The following CYTH1 variants were observed in gnomAD, a reference collection of about 807,000 sequenced individuals.
CYTH1 encodes cytohesin-1.
CYTH1 carries 18 observed loss-of-function variants against 61.8 expected under a neutral mutation model. That is an observed-to-expected ratio of 0.29 (90% CI 0.20 to 0.43). The LOEUF (loss-of-function observed/expected upper bound fraction) is 0.43. Ranked by LOEUF, CYTH1 falls within the 20% of genes least tolerant of loss-of-function variation. CYTH1 has a pLI of 1.00. For missense variants in CYTH1, 336 were observed against 510.5 expected, an observed-to-expected ratio of 0.66 and a Z score of 3.29; for synonymous variants, 174 against 184.3, an observed-to-expected ratio of 0.94 and a Z score of 0.45.
intron 1 of CYTH1, among the ~76,000 whole-genome samples, chr17:78,737,678 C>A (rs73389848): frequency 0.011 from 1,696 of 151,584 alleles, 27 homozygotes; most frequent in African/African-American, 0.038. Flanking sequence ...TTCTAATATG[C>A]TGCACCCAAA....
chr17:78,749,288 C>T (rs2093370455), intron 1 of CYTH1, among the ~76,000 whole-genome samples: 1 of 151,992 alleles, frequency 6.6e-6, no homozygotes, highest in African/African-American at 2.4e-5. Flanking sequence ...GGCGAAACCC[C>T]GTCTCCACTA....
intron 2 of CYTH1, 102 bp downstream of exon 2, chr17:78,709,548 A>T: frequency 1.6e-6 from 2 of 1,219,028 alleles, no homozygotes; most frequent in Non-Finnish European, 2.4e-6. Context: ...AGGGCAGGTC[A>T]AAAGTGTCTT....
chr17:78,771,261 G>A (rs2093470321), intron 1 of CYTH1, among the ~76,000 whole-genome samples: 1 of 151,756 alleles, frequency 6.6e-6, no homozygotes, highest in Non-Finnish European at 1.5e-5. Flanking sequence ...GACCCTGTCT[G>A]AAAAATAAAA....
chr17:78,680,370 G>C (rs1210056406), intron 12 of CYTH1, 26 bp from the exon 13 acceptor site: 2 of 1,597,294 alleles, frequency 1.3e-6, no homozygotes, highest in Admixed American at 3.4e-5. Context: ...GAGAGGGAGA[G>C]AGTGGAGCAA....
At chr17:78,749,544 T>C (rs980640223) in intron 1 of CYTH1, among the ~76,000 whole-genome samples, 2 of 151,966 alleles carry the variant, frequency 1.3e-5, no homozygotes, top group Admixed American at 6.6e-5. Context: ...GGTGGGAGGA[T>C]TGCTTGAGCC....
rs556428329 is a variant in CYTH1, at chr17:78,710,038, A to G, written c.23-306T>C. Reference sequence around the variant, plus strand: ...ATGAATATTAGCTGAGCGCCTGGCCATTTTCATCCCTTCCAGCTGGGAGAC... The same window carrying G: ...ATGAATATTAGCTGAGCGCCTGGCCGTTTTCATCCCTTCCAGCTGGGAGAC... On this transcript the variant is annotated intron_variant, in intron 1 of 13. Coordinates refer to ENST00000446868, the MANE Select transcript of CYTH1 (RefSeq NM_004762.6). Among the ~76,000 whole-genome samples the G allele has an allele frequency of 3.3e-5, 5 of 152,214 alleles. No homozygotes were observed. The East Asian group carries it at 9.7e-4, about 29-fold the overall frequency.
chr17:78,725,547 C>T (rs1358917694), intron 1 of CYTH1, among the ~76,000 whole-genome samples: 1 of 152,228 alleles, frequency 6.6e-6, no homozygotes, highest in African/African-American at 2.4e-5. Flanking sequence ...TACACACTCT[C>T]TTCAGGGATT....
chr17:78,777,184 G>A (rs1048132392), intron 1 of CYTH1, among the ~76,000 whole-genome samples: 4 of 146,790 alleles, frequency 2.7e-5, no homozygotes, highest in Non-Finnish European at 5.9e-5. Flanking sequence ...CCAGCACTTT[G>A]GGAGGCGGAT....
At chr17:78,701,625 C>G (rs2093010041) in intron 6 of CYTH1, 46 bp downstream of exon 6, 1 of 1,565,196 alleles carries the variant, frequency 6.4e-7, no homozygotes, top group African/African-American at 1.4e-5. Context: ...TGATCAAAGG[C>G]TAGCCTCCCA....
At chr17:78,706,412 A>G (rs1004931874) in intron 3 of CYTH1, among the ~76,000 whole-genome samples, 1 of 151,636 alleles carries the variant, frequency 6.6e-6, no homozygotes, top group African/African-American at 2.4e-5. Context: ...CGGTGCCCAC[A>G]GTTTCTTTCA....
chr17:78,726,410 C>T (rs2093267203), intron 1 of CYTH1, among the ~76,000 whole-genome samples: 1 of 150,676 alleles, frequency 6.6e-6, no homozygotes. Context: ...GAAGAGGCCC[C>T]CTGTCAGTTA....
At position 78,679,176 on chromosome 17, in the gene CYTH1, G is replaced by A. The variant is rs565592952; in HGVS notation, c.1118+1014C>T. Among the ~76,000 whole-genome samples, 9 of 152,312 alleles carry A rather than the reference G, an allele frequency of 5.9e-5. No individual in the cohort carries two copies. In the East Asian group the frequency reaches 9.6e-4, roughly 16 times the overall value. ...CTGTAGCCTGGGTGGGAGAAAGCCC[G>A]TCACACAGTACACAGAGGACTTACA... On this transcript the variant is annotated intron_variant, in intron 13 of 13. Coordinates refer to ENST00000446868, the MANE Select transcript of CYTH1 (RefSeq NM_004762.6).
intron 1 of CYTH1, among the ~76,000 whole-genome samples, chr17:78,774,985 C>T (rs1035791131): frequency 6.6e-6 from 1 of 152,258 alleles, no homozygotes; most frequent in Non-Finnish European, 1.5e-5. Flanking sequence ...AGAACTGCCG[C>T]AAGGCACTGC....
intron 1 of CYTH1, among the ~76,000 whole-genome samples, chr17:78,751,684 G>T (rs532477517): frequency 3.3e-5 from 5 of 152,226 alleles, no homozygotes; most frequent in Admixed American, 6.5e-5. Context: ...ATAAGCTTTA[G>T]TGAGTAGGAA....
At chr17:78,772,100 A>T (rs181581805) in intron 1 of CYTH1, among the ~76,000 whole-genome samples, 3 of 152,334 alleles carry the variant, frequency 2.0e-5, no homozygotes, top group Admixed American at 2.0e-4. Context: ...AATTAGAGAC[A>T]ATCAAGTAGT....
intron 1 of CYTH1, among the ~76,000 whole-genome samples, chr17:78,754,061 G>A (rs573156457): frequency 2.0e-5 from 3 of 152,212 alleles, no homozygotes; most frequent in Non-Finnish European, 4.4e-5. Context: ...TAGGGAGGGA[G>A]GGTCAAAGTG....
chr17:78,769,771 C>G (rs2093463180), intron 1 of CYTH1, among the ~76,000 whole-genome samples: 1 of 152,210 alleles, frequency 6.6e-6, no homozygotes, highest in South Asian at 2.1e-4. Flanking sequence ...AATTCTGACA[C>G]TTTGGGAGGC....
intron 1 of CYTH1, among the ~76,000 whole-genome samples, chr17:78,711,308 TATATATACACACAC>T (rs965639063): frequency 1.9e-4 from 26 of 138,978 alleles, no homozygotes; most frequent in African/African-American, 5.8e-4. Context: ...AAATAATATA[TATATATACACACAC>T]ACACACACAC....
intron 13 of CYTH1, chr17:78,677,027 G>A (rs1373050334): frequency 4.4e-6 from 2 of 456,056 alleles, no homozygotes; most frequent in East Asian, 7.0e-5. Context: ...CAGCTGCTAT[G>A]GCTCTCCTGG....
Sources: gnomAD v4.1 joint callset for allele counts (sites outside exome capture counted in the v4.1 genomes callset) on GRCh38, gnomAD v4.1.1 for gene constraint, MANE v1.5 for transcripts, NCBI Gene and HGNC (gene_info 2026-07-23, HGNC 2026-07-21) for gene names.